Variants in CYB5RL observed in about 807,000 individuals in gnomAD.
The protein encoded by CYB5RL is NADH-cytochrome b5 reductase-like.
A neutral mutation model predicts 37.5 loss-of-function variants in CYB5RL; 38 were observed. The ratio of observed to expected loss-of-function variants is 1.01; its 90% CI spans 0.78 to 1.33. CYB5RL has a LOEUF of 1.33. CYB5RL is among the 40% of genes most tolerant of loss of function. The probability of loss-of-function intolerance (pLI) is 0.00; values close to 1 mark genes in which losing one functional copy is unlikely to be tolerated. For synonymous variants in CYB5RL, 141 were observed against 151.9 expected (o/e 0.93, Z 0.53); for missense variants, 388 against 394.4 (o/e 0.98, Z 0.14).
intron 6 of CYB5RL, among the ~76,000 whole-genome samples, chr1:54,180,864 C>T (rs1450142120): frequency 3.9e-5 from 6 of 152,042 alleles, no homozygotes. Flanking sequence ...AAGAAAAGTG[C>T]TTGGTTGGCT....
chr1:54,175,640 C>A, intron 7 of CYB5RL: 1 of 444,392 alleles, frequency 2.3e-6, no homozygotes, highest in Non-Finnish European at 4.5e-6. Context: ...CCATGGGTTC[C>A]ACATTTGTGG....
intron 6 of CYB5RL, among the ~76,000 whole-genome samples, chr1:54,182,113 T>TCCC (rs1660174790): frequency 6.6e-6 from 1 of 152,172 alleles, no homozygotes; most frequent in Admixed American, 6.5e-5. Context: ...CGATTTCCAT[T>TCCC]CCCTGCTCTC....
At chr1:54,182,304 G>A (rs1660178099) in intron 6 of CYB5RL, among the ~76,000 whole-genome samples, 2 of 152,170 alleles carry the variant, frequency 1.3e-5, no homozygotes. Context: ...TCTGAGCCTG[G>A]CACACATGAG....
chr1:54,180,044 G>A (rs934508822), intron 6 of CYB5RL: 14 of 451,684 alleles, frequency 3.1e-5, no homozygotes, highest in African/African-American at 1.0e-4. Context: ...TCAGGAGTTC[G>A]AGACCAACGT....
chr1:54,175,962 A>G (rs1413243087), intron 7 of CYB5RL, among the ~76,000 whole-genome samples: 3 of 152,202 alleles, frequency 2.0e-5, no homozygotes, highest in Non-Finnish European at 4.4e-5. Flanking sequence ...TGAAAAAACC[A>G]TCTTACAAGC....
At chr1:54,195,750 T>G in intron 2 of CYB5RL, 35 bp from the exon 3 acceptor site, 1 of 974,560 alleles carries the variant, frequency 1.0e-6, no homozygotes, top group Non-Finnish European at 1.5e-6. Flanking sequence ...TATTCTCTGG[T>G]CTCCTCTATT....
chr1:54,179,322 T>C lies in CYB5RL; in HGVS notation c.571A>G (p.Thr191Ala). 1 of 1,613,630 alleles carries C rather than the reference T, an allele frequency of 6.2e-7. No individual in the cohort carries two copies. Among genetic ancestry groups the C allele is most frequent in the Non-Finnish European group, 8.5e-7 (1 of 1,179,824 alleles). Residue 191 changes from threonine to alanine, a missense_variant, in exon 7 of 8, where the codon ACG becomes GCG. Physicochemically the swap from Thr to Ala is moderately conservative, Grantham distance 58. Coordinates refer to ENST00000534324, the MANE Select transcript of CYB5RL (RefSeq NM_001031672.4). Reference protein sequence around the residue: ...YGELLLLAAGTGLAPMVPILQ... With the variant: ...YGELLLLAAGAGLAPMVPILQ... ...ATAGGCACCATGGGGGCCAGGCCCG[T>C]GCCCGCAGCCAGCAAGAGGAGCTCA... is the stretch of plus-strand genomic sequence containing the variant.
At position 54,195,590 on chromosome 1, in the gene CYB5RL, G is replaced by T; in HGVS notation, c.27C>A (p.Asp9Glu). ...GCTGCATCCAGGCTTCCTCAGTGTC[G>T]TCGTCCTCTTCCCTCTCAGCCATCA... MMAEREED[D>E]DTEEAWMQLR... Residue 9 changes from aspartate to glutamate, a missense_variant, in exon 3 of 8, where the codon GAC (aspartate) becomes GAA (glutamate). Asp to Glu is a conservative substitution (Grantham distance 45, BLOSUM62 2). Coordinates refer to ENST00000534324, the MANE Select transcript of CYB5RL (RefSeq NM_001031672.4). The T allele has an allele frequency of 1.2e-6, 2 of 1,612,008 alleles. No individual in the cohort carries two copies. The highest frequency in any genetic ancestry group is 1.7e-6 in the Non-Finnish European group (2 of 1,178,618).
At chr1:54,199,446 A>C (rs768796275) in intron 1 of CYB5RL, among the ~76,000 whole-genome samples, 1 of 152,150 alleles carries the variant, frequency 6.6e-6, no homozygotes, top group Non-Finnish European at 1.5e-5. Flanking sequence ...ATCGCAGTTG[A>C]CTTATTTGTT....
intron 3 of CYB5RL, among the ~76,000 whole-genome samples, chr1:54,192,760 CT>C (rs1330026780): frequency 2.0e-3 from 278 of 142,514 alleles, no homozygotes; most frequent in Non-Finnish European, 1.8e-3. Flanking sequence ...CCCTGTGTTT[CT>C]TTTTTTTTTT....
chr1:54,176,434 G>A (rs1660022044), intron 7 of CYB5RL, among the ~76,000 whole-genome samples: 1 of 152,228 alleles, frequency 6.6e-6, no homozygotes, highest in African/African-American at 2.4e-5. Flanking sequence ...GGGAGACTGA[G>A]GTAGGAGGAT....
chr1:54,197,214 G>A (rs1191744657), intron 1 of CYB5RL, among the ~76,000 whole-genome samples: 1 of 152,098 alleles, frequency 6.6e-6, no homozygotes, highest in Non-Finnish European at 1.5e-5. Flanking sequence ...AGGTGCAGGT[G>A]AAGGCCTGCC....
intron 7 of CYB5RL, among the ~76,000 whole-genome samples, chr1:54,177,725 G>A (rs1415885592): frequency 6.6e-6 from 1 of 152,198 alleles, no homozygotes; most frequent in African/African-American, 2.4e-5. Context: ...ATTAAATAAA[G>A]TGCTTAGAAT....
chr1:54,180,289 A>G (rs929220092), intron 6 of CYB5RL: 24 of 381,164 alleles, frequency 6.3e-5, no homozygotes, highest in Non-Finnish European at 1.0e-4. Context: ...AGTTCCATCA[A>G]CTCCTCCTCA....
At chr1:54,199,246 C>T (rs1257510082) in intron 1 of CYB5RL, among the ~76,000 whole-genome samples, 2 of 152,186 alleles carry the variant, frequency 1.3e-5, no homozygotes, top group Non-Finnish European at 2.9e-5. Flanking sequence ...AACATATTTA[C>T]TATGTGCCAG....
At chr1:54,186,324 G>C (rs1482072217) in intron 5 of CYB5RL, 1 of 152,070 alleles carries the variant, frequency 6.6e-6, no homozygotes, top group African/African-American at 2.4e-5. Flanking sequence ...TCTATAGGTT[G>C]GTTATGAGGT....
At chr1:54,199,164 T>C (rs1218573846) in intron 1 of CYB5RL, among the ~76,000 whole-genome samples, 1 of 152,128 alleles carries the variant, frequency 6.6e-6, no homozygotes, top group South Asian at 2.1e-4. Flanking sequence ...CCTTCTGAGG[T>C]CCTCCCTGAA....
At position 54,172,736 on chromosome 1, in the gene CYB5RL, G is replaced by A. The variant is rs1367759753; in HGVS notation, c.*1883C>T. 2 of 151,950 alleles carry A rather than the reference G, an allele frequency of 1.3e-5. No homozygotes were observed. The highest frequency in any genetic ancestry group is 2.9e-5 in the Non-Finnish European group (2 of 68,048). 9.4% of individuals were successfully genotyped at this position (151,950 alleles called of 1,614,324 possible). A position where few individuals can be genotyped will look rare whatever the true frequency, so the allele number is the denominator to read the frequency against. ...TTTCCCTGGTGTCTGAACAGAGTCA[G>A]GCTCCTGACAGGCCCCCGCTATTTG... On this transcript the variant is annotated 3_prime_UTR_variant, in exon 8 of 8. Coordinates refer to ENST00000534324, the MANE Select transcript of CYB5RL (RefSeq NM_001031672.4).
Position 54,171,800 on chromosome 1 carries a change from C to A in CYB5RL, c.*2819G>T, listed in dbSNP as rs1006581071. ...CCATGCCCCCACAGCTCCAAGAGGT[C>A]TGAACTCACACACCACACCCCACAC... On this transcript the variant is annotated 3_prime_UTR_variant, in exon 8 of 8. Transcript: ENST00000534324. The A allele has an allele frequency of 1.0e-5, 3 of 290,124 alleles. No homozygotes were observed. The highest frequency in any genetic ancestry group is 2.2e-5 in the African/African-American group (1 of 46,184). 18.0% of individuals were successfully genotyped at this position (290,124 alleles called of 1,614,324 possible).
Sources: allele counts gnomAD v4.1 joint callset (sites outside exome capture counted in the v4.1 genomes callset), GRCh38; gene constraint gnomAD v4.1.1; transcripts MANE v1.5; gene names NCBI Gene and HGNC (gene_info 2026-07-23, HGNC 2026-07-21).